Variants in ELMO1 observed in about 807,000 individuals in gnomAD.
ELMO1 encodes engulfment and cell motility 1.
In ELMO1, 26 loss-of-function variants were observed where a neutral mutation model predicts 98.9. The ratio of observed to expected loss-of-function variants is 0.26; its 90% CI spans 0.19 to 0.36. The LOEUF (loss-of-function observed/expected upper bound fraction) is 0.36, where lower values mean the gene tolerates loss of function less well. Among genes scored for constraint, ELMO1 ranks in the 10% least tolerant of loss-of-function variants. The probability of loss-of-function intolerance (pLI) is 1.00; values close to 1 mark genes in which losing one functional copy is unlikely to be tolerated. For synonymous variants in ELMO1, 346 were observed against 346.0 expected (o/e 1.00, Z 0.00); for missense variants, 627 against 935.2 (o/e 0.67, Z 4.30).
chr7:37,086,034 A>C (rs1205202466), intron 15 of ELMO1, among the ~76,000 whole-genome samples: 3 of 152,184 alleles, frequency 2.0e-5, no homozygotes, highest in Non-Finnish European at 4.4e-5. Context: ...TTTGGGAAGA[A>C]TTAGGCGGCA....
intron 16 of ELMO1, chr7:36,985,830 ATTCAGTT>A: frequency 1.1e-6 from 1 of 878,402 alleles, no homozygotes; most frequent in Non-Finnish European, 1.4e-6. Flanking sequence ...GCTTGTTCCA[ATTCAGTT>A]TTCTCGGCAG....
chr7:36,894,520 G>A (rs1227125610), intron 17 of ELMO1, among the ~76,000 whole-genome samples: 6 of 152,198 alleles, frequency 3.9e-5, no homozygotes, highest in Admixed American at 3.9e-4. Context: ...GCACCCACAT[G>A]AAATATAGTT....
intron 1 of ELMO1, among the ~76,000 whole-genome samples, chr7:37,423,945 A>T (rs1305668394): frequency 6.6e-6 from 1 of 152,286 alleles, no homozygotes; most frequent in Non-Finnish European, 1.5e-5. Flanking sequence ...TCTGCTCTGG[A>T]GGAAGTGTGT....
At chr7:37,252,760 C>G (rs1178925431) in intron 6 of ELMO1, among the ~76,000 whole-genome samples, 1 of 152,084 alleles carries the variant, frequency 6.6e-6, no homozygotes, top group Non-Finnish European at 1.5e-5. Flanking sequence ...AGCTTCTGCA[C>G]AGCAAAGGAA....
intron 16 of ELMO1, among the ~76,000 whole-genome samples, chr7:36,936,150 G>A (rs932677388): frequency 4.6e-5 from 7 of 152,164 alleles, no homozygotes; most frequent in Non-Finnish European, 7.3e-5. Flanking sequence ...AGAAATAGAA[G>A]TGGGCACAAA....
At chr7:37,401,332 A>G (rs557253656) in intron 1 of ELMO1, among the ~76,000 whole-genome samples, 4 of 152,338 alleles carry the variant, frequency 2.6e-5, no homozygotes, top group South Asian at 4.2e-4. Context: ...GCATTTGAGA[A>G]AACAGCAGAA....
rs78691633 is a variant in ELMO1 at position 37,309,589 on chromosome 7, G to C, written c.192+5261C>G. ...GCAGCACGAAAGGGAATGTTGTATA[G>C]GGTATTTGGCTGGTTTAGGAAATTT... On this transcript the variant is annotated intron_variant, in intron 4 of 21. Coordinates refer to ENST00000310758, the MANE Select transcript of ELMO1 (RefSeq NM_014800.11). 1.2e-3 allele frequency among the ~76,000 whole-genome samples: 181 copies of C among 152,320 alleles called. 1 individual carries two copies. The highest frequency in any genetic ancestry group is 4.0e-3 in the African/African-American group (167 of 41,570).
chr7:37,423,648 CATTG>C (rs1475237254), intron 1 of ELMO1, among the ~76,000 whole-genome samples: 1 of 152,108 alleles, frequency 6.6e-6, no homozygotes, highest in Non-Finnish European at 1.5e-5. Flanking sequence ...ATTTTTGAAA[CATTG>C]ATTCTTATTT....
In ELMO1 at chr7:37,316,066, C is replaced by T. The variant is rs1442373125; in HGVS notation, c.79-106G>A. The T allele has an allele frequency of 1.5e-5, 14 of 923,934 alleles. No individual in the cohort carries two copies. In the Admixed American group the frequency reaches 1.9e-4, roughly 13 times the overall value. The allele number at this position is 923,934 out of a possible 1,614,324, so 57.2% of individuals were successfully genotyped here. A position where few individuals can be genotyped will look rare whatever the true frequency, so the allele number is the denominator to read the frequency against. On this transcript the variant is annotated intron_variant, in intron 2 of 21. Transcript: ENST00000310758. ...AGATTATCTAAGCAAAGAGAATTTA[C>T]ATTTGCTATTCTTAGTTGTTGTCAA...
At chr7:37,081,826 C>CA (rs946690008) in intron 15 of ELMO1, among the ~76,000 whole-genome samples, 101 of 151,762 alleles carry the variant, frequency 6.7e-4, no homozygotes, top group Admixed American at 1.8e-3. Context: ...AAAACAAAAA[C>CA]AAAAAAAATA....
chr7:37,350,081 G>C (rs1204450435), intron 1 of ELMO1, among the ~76,000 whole-genome samples: 1 of 152,132 alleles, frequency 6.6e-6, no homozygotes, highest in Non-Finnish European at 1.5e-5. Context: ...GGTATATGGT[G>C]GGGGTGTCAT....
intron 15 of ELMO1, among the ~76,000 whole-genome samples, chr7:37,015,168 A>G (rs1394931399): frequency 6.6e-6 from 1 of 151,444 alleles, no homozygotes; most frequent in Non-Finnish European, 1.5e-5. Context: ...AAGTAAGGGC[A>G]TGGGCCTGGA....
In ELMO1 at chr7:36,887,697, C is replaced by T. The variant is rs780589632; in HGVS notation, c.1602-25G>A. ...CCTGTTAGAGGAAAAACACATATTCCACAGCATGCCTTGAGAAACAGAGTG... is the reference window on the plus strand; with the variant it reads ...CCTGTTAGAGGAAAAACACATATTCTACAGCATGCCTTGAGAAACAGAGTG... On this transcript the variant is annotated intron_variant, in intron 17 of 21. Transcript: ENST00000310758. The T allele has an allele frequency of 1.1e-5, 18 of 1,607,538 alleles. No homozygotes were observed. In the South Asian group the frequency reaches 2.0e-4, roughly 18 times the overall value.
intron 13 of ELMO1, among the ~76,000 whole-genome samples, chr7:37,169,516 C>T (rs1273481399): frequency 2.0e-5 from 3 of 152,166 alleles, no homozygotes; most frequent in African/African-American, 4.8e-5. Context: ...TTTAACCTGC[C>T]ACTTCAAATG....
At chr7:37,067,102 T>C (rs1797023467) in intron 15 of ELMO1, among the ~76,000 whole-genome samples, 2 of 152,196 alleles carry the variant, frequency 1.3e-5, no homozygotes, top group African/African-American at 2.4e-5. Flanking sequence ...GAAGATCTCA[T>C]AAAAATCAGA....
At chr7:37,130,770 TG>T (rs1247431723) in intron 14 of ELMO1, among the ~76,000 whole-genome samples, 1 of 152,108 alleles carries the variant, frequency 6.6e-6, no homozygotes, top group African/African-American at 2.4e-5. Flanking sequence ...TGTGTGTGTG[TG>T]TGTGTTACAA....
rs10522661 is a variant in ELMO1 at position 36,899,684 on chromosome 7, C to CTTTTTTTTTTTTTTTTTTTTTTTTTT, written c.1438-4668_1438-4667insAAAAAAAAAAAAAAAAAAAAAAAAAA. On this transcript the variant is annotated intron_variant, in intron 16 of 21. Coordinates refer to ENST00000310758, the MANE Select transcript of ELMO1 (RefSeq NM_014800.11). ...ACTCATTTTTACTATCTTTACTCAT[C>CTTTTTTTTTTTTTTTTTTTTTTTTTT]TTTTTTTTTTTTTTTTACCACTCCT... Among the ~76,000 whole-genome samples the CTTTTTTTTTTTTTTTTTTTTTTTTTT allele has an allele frequency of 3.5e-3, 220 of 63,656 alleles. 66 individuals carry two copies. The highest frequency in any genetic ancestry group is 4.6e-3 in the East Asian group (12 of 2,626). 41.8% of individuals were successfully genotyped at this position (63,656 alleles called of 152,430 possible).
At chr7:37,008,161 C>T (rs1182127948) in intron 16 of ELMO1, among the ~76,000 whole-genome samples, 2 of 152,126 alleles carry the variant, frequency 1.3e-5, no homozygotes, top group African/African-American at 4.8e-5. Context: ...ATTTTGATAG[C>T]GTCTAAAGTA....
At position 36,943,940 on chromosome 7, in the gene ELMO1, T is replaced by C. The variant is rs149121224; in HGVS notation, c.1438-48923A>G. On this transcript the variant is annotated intron_variant, in intron 16 of 21. Transcript: ENST00000310758. ...TTTAGGAAAATCACAACAATAGGGC[T>C]GGTTTCACATTTAAAAAATGATCAG... 3.7e-4 allele frequency among the ~76,000 whole-genome samples: 56 copies of C among 152,302 alleles called. No homozygotes were observed. The East Asian group carries it at 8.7e-3, about 24-fold the overall frequency.
Sources: gnomAD v4.1 joint callset for allele counts (sites outside exome capture counted in the v4.1 genomes callset) on GRCh38, gnomAD v4.1.1 for gene constraint, MANE v1.5 for transcripts, NCBI Gene and HGNC (gene_info 2026-07-23, HGNC 2026-07-21) for gene names.